CXXC4: variants seen among roughly 807,000 people sequenced by gnomAD.
The protein encoded by CXXC4 is CXXC-type zinc finger protein 4.
In CXXC4, 5 loss-of-function variants were observed where a neutral mutation model predicts 20.5. That is an observed-to-expected ratio of 0.24 (90% CI 0.13 to 0.51). The LOEUF (loss-of-function observed/expected upper bound fraction) is 0.51, where lower values mean the gene tolerates loss of function less well. Ranked by LOEUF, CXXC4 falls within the 20% of genes least tolerant of loss-of-function variation. The pLI is 0.97. For missense variants in CXXC4, 419 were observed against 496.4 expected (o/e 0.84, Z 1.48); for synonymous variants, 250 against 216.4 (o/e 1.16, Z -1.36).
chr4:104,474,925 T>C (rs990517440), intron 2 of CXXC4, among the ~76,000 whole-genome samples: 2 of 152,112 alleles, frequency 1.3e-5, no homozygotes, highest in Non-Finnish European at 2.9e-5. Flanking sequence ...TACTCAATTT[T>C]ATTTGCAACA....
intron 2 of CXXC4, among the ~76,000 whole-genome samples, chr4:104,481,527 T>C (rs1231937269): frequency 4.0e-5 from 6 of 150,912 alleles, no homozygotes; most frequent in Non-Finnish European, 8.8e-5. Context: ...ACCAAGACCC[T>C]GTCTCAAGGG....
chr4:104,488,294 C>A (rs1246150331), intron 2 of CXXC4, among the ~76,000 whole-genome samples: 1 of 152,158 alleles, frequency 6.6e-6, no homozygotes, highest in Non-Finnish European at 1.5e-5. Flanking sequence ...GGACTTTTCA[C>A]CTTCCTGCAA....
At chr4:104,492,201 A>ACCCCCCCCCCCCCCC (rs1162003749) in intron 1 of CXXC4, 142 bp from the exon 2 acceptor site, 3 of 109,498 alleles carry the variant, frequency 2.7e-5, no homozygotes, top group Non-Finnish European at 3.8e-5. Flanking sequence ...TCAAGACGTG[A>ACCCCCCCCCCCCCCC]CCCCCCCCAG....
rs757867712 is a variant in CXXC4 at position 104,491,614 on chromosome 4, G to T, written c.189C>A (p.Ile63=). 1 of 1,542,186 alleles carries T rather than the reference G, an allele frequency of 6.5e-7. No individual in the cohort carries two copies. ...GGAAGATGGGGGTGGTGATGCGCGC[G>T]ATCTTGGCCGCCTGTGGGAAGGCGC... ...NGGAFPQAAK[I]ARITTPIFPS... The change falls in exon 2 of 3, where the codon ATC becomes ATA. Residue 63 remains isoleucine (I), a synonymous_variant. Transcript: ENST00000394767.
Position 104,491,167 on chromosome 4 carries a change from T to C in CXXC4, c.636A>G (p.Glu212=), listed in dbSNP as rs765515943. 9.9e-6 allele frequency: 16 copies of C among 1,613,790 alleles called. No homozygotes were observed. In the South Asian group the frequency reaches 1.8e-4, roughly 18 times the overall value. The part of the protein sequence containing the change: ...SPEHCRPLAG[E]CMNKLKCGAA... ...CGCCGCATTTGAGCTTGTTCATGCA[T>C]TCCCCCGCCAAAGGTCTGCAGTGTT... is the stretch of plus-strand genomic sequence containing the variant. Residue 212 remains glutamate (E), a synonymous_variant, in exon 2 of 3, where the codon GAA becomes GAG. Coordinates refer to ENST00000394767, the MANE Select transcript of CXXC4 (RefSeq NM_025212.4).
chr4:104,482,677 T>C (rs1214331847), intron 2 of CXXC4, among the ~76,000 whole-genome samples: 1 of 152,184 alleles, frequency 6.6e-6, no homozygotes, highest in Non-Finnish European at 1.5e-5. Flanking sequence ...TTATATGGTC[T>C]TCTGTTCACT....
chr4:104,478,515 A>G (rs780128861), intron 2 of CXXC4, among the ~76,000 whole-genome samples: 1 of 152,148 alleles, frequency 6.6e-6, no homozygotes, highest in Non-Finnish European at 1.5e-5. Flanking sequence ...TAGGTCTAAT[A>G]TAACTACTTT....
Position 104,472,448 on chromosome 4 carries a change from C to G in CXXC4, c.1060-82G>C, listed in dbSNP as rs1382173066. 7.2e-6 allele frequency: 7 copies of G among 978,888 alleles called. No homozygotes were observed. The Admixed American group carries it at 1.3e-4, about 19-fold the overall frequency. 60.6% of individuals were successfully genotyped at this position (978,888 alleles called of 1,614,324 possible). A position where few individuals can be genotyped will look rare whatever the true frequency, so the allele number is the denominator to read the frequency against. On this transcript the variant is annotated intron_variant, in intron 2 of 2. Transcript: ENST00000394767. ...TAGATTTTTCTCCTTTACACTTCAGCAATATTTTTAGTTACCAATGTACAA... is the reference window on the plus strand; with the variant it reads ...TAGATTTTTCTCCTTTACACTTCAGGAATATTTTTAGTTACCAATGTACAA...
At chr4:104,477,670 T>C (rs115497930) in intron 2 of CXXC4, among the ~76,000 whole-genome samples, 3 of 152,070 alleles carry the variant, frequency 2.0e-5, no homozygotes, top group African/African-American at 7.2e-5. Context: ...TTAATGATTA[T>C]CACACAGTCC....
At chr4:104,485,890 TA>T (rs1736680302) in intron 2 of CXXC4, among the ~76,000 whole-genome samples, 2 of 152,244 alleles carry the variant, frequency 1.3e-5, no homozygotes, top group South Asian at 4.1e-4. Context: ...TGACTGAGAC[TA>T]AACAAAATAT....
intron 1 of CXXC4, among the ~76,000 whole-genome samples, chr4:104,492,562 T>C (rs1263655358): frequency 6.6e-6 from 1 of 152,166 alleles, no homozygotes; most frequent in African/African-American, 2.4e-5. Flanking sequence ...TGAAAAAGTC[T>C]ACAATACATC....
At chr4:104,490,347 A>G (rs1053477531) in intron 2 of CXXC4, among the ~76,000 whole-genome samples, 1 of 152,218 alleles carries the variant, frequency 6.6e-6, no homozygotes, top group Non-Finnish European at 1.5e-5. Flanking sequence ...ATGGGCCACT[A>G]ACTTAGCCAG....
chr4:104,474,223 T>C (rs1380881605), intron 2 of CXXC4, among the ~76,000 whole-genome samples: 1 of 152,010 alleles, frequency 6.6e-6, no homozygotes. Context: ...ACTGATCTTA[T>C]TAACCTGTTA....
chr4:104,489,205 A>C (rs966012294), intron 2 of CXXC4, among the ~76,000 whole-genome samples: 5 of 152,188 alleles, frequency 3.3e-5, no homozygotes, highest in African/African-American at 1.2e-4. Flanking sequence ...ACTTTCCAAA[A>C]AGAGCTGATT....
Position 104,471,330 on chromosome 4 carries a change from G to A in CXXC4, c.*992C>T, listed in dbSNP as rs1423186494. The A allele has an allele frequency of 6.6e-6, 1 of 151,704 alleles. No homozygotes were observed. Among genetic ancestry groups the A allele is most frequent in the African/African-American group, 2.4e-5 (1 of 41,372 alleles). 9.4% of individuals were successfully genotyped at this position (151,704 alleles called of 1,614,324 possible). ...ACAGAAAAAATAAGAAAAAAATTAA[G>A]AAACAATAAAACGTATACAGCCCAT... On this transcript the variant is annotated 3_prime_UTR_variant, in exon 3 of 3. Transcript: ENST00000394767.
At position 104,472,253 on chromosome 4, in the gene CXXC4, G is replaced by T; in HGVS notation, c.*69C>A. The T allele has an allele frequency of 2.0e-6, 2 of 1,007,052 alleles. No homozygotes were observed. The highest frequency in any genetic ancestry group is 3.0e-6 in the Non-Finnish European group (2 of 672,350). 62.4% of individuals were successfully genotyped at this position (1,007,052 alleles called of 1,614,324 possible). Reference sequence around the variant, plus strand: ...ATTTTCTTCAGTGGTGGACTAAGCAGTTTCTTAAAACAAGACATTAGTTTG... The same window carrying T: ...ATTTTCTTCAGTGGTGGACTAAGCATTTTCTTAAAACAAGACATTAGTTTG... On this transcript the variant is annotated 3_prime_UTR_variant, in exon 3 of 3. Coordinates refer to ENST00000394767, the MANE Select transcript of CXXC4 (RefSeq NM_025212.4).
At chr4:104,480,725 A>G (rs2110273664) in intron 2 of CXXC4, among the ~76,000 whole-genome samples, 1 of 152,176 alleles carries the variant, frequency 6.6e-6, no homozygotes, top group East Asian at 1.9e-4. Flanking sequence ...TATTGAAACC[A>G]GATCAAGATG....
At chr4:104,475,873 C>T (rs1394036067) in intron 2 of CXXC4, among the ~76,000 whole-genome samples, 1 of 152,002 alleles carries the variant, frequency 6.6e-6, no homozygotes, top group Admixed American at 6.6e-5. Context: ...TTGAGTTGAT[C>T]GGCATTGTTT....
intron 2 of CXXC4, among the ~76,000 whole-genome samples, chr4:104,481,489 C>T (rs149828508): frequency 9.9e-5 from 15 of 151,422 alleles, no homozygotes; most frequent in South Asian, 4.2e-4. Context: ...GCTGAGATCA[C>T]GCCACTGCAC....
Sources: allele counts gnomAD v4.1 joint callset (sites outside exome capture counted in the v4.1 genomes callset), GRCh38; gene constraint gnomAD v4.1.1; transcripts MANE v1.5; gene names NCBI Gene and HGNC (gene_info 2026-07-23, HGNC 2026-07-21).